Variants in DNAH11 observed in about 807,000 individuals in gnomAD.
The protein encoded by DNAH11 is dynein axonemal heavy chain 11.
In DNAH11, 442 loss-of-function variants were observed where a neutral mutation model predicts 526.0. The ratio of observed to expected loss-of-function variants is 0.84; its 90% CI spans 0.78 to 0.91. The LOEUF is 0.91. Among genes scored for constraint, DNAH11 ranks in the 40% least tolerant of loss-of-function variants. DNAH11 has a pLI of 0.00. For synonymous variants in DNAH11, 2,461 were observed against 1,935.9 expected (o/e 1.27, Z -7.12); for missense variants, 6,989 against 5,448.7 (o/e 1.28, Z -8.90).
chr7:21,812,933 GT>G (rs1447818000), intron 63 of DNAH11, among the ~76,000 whole-genome samples: 2 of 152,122 alleles, frequency 1.3e-5, no homozygotes, highest in African/African-American at 4.8e-5. Context: ...GGAGAGCCTG[GT>G]TTTGCTTAAG....
intron 32 of DNAH11, among the ~76,000 whole-genome samples, chr7:21,686,765 C>G (rs1439493803): frequency 1.3e-5 from 2 of 152,066 alleles, no homozygotes; most frequent in Non-Finnish European, 2.9e-5. Flanking sequence ...TGGATGTTGT[C>G]TGCCATATTA....
intron 57 of DNAH11, among the ~76,000 whole-genome samples, chr7:21,779,877 C>T (rs1039814356): frequency 6.6e-6 from 1 of 151,948 alleles, no homozygotes; most frequent in African/African-American, 2.4e-5. Flanking sequence ...ATAATCAGGG[C>T]CTAATTAATA....
chr7:21,821,503 G>T (rs907803098), intron 65 of DNAH11, among the ~76,000 whole-genome samples: 1 of 152,070 alleles, frequency 6.6e-6, no homozygotes, highest in Admixed American at 6.5e-5. Flanking sequence ...ACGTCCTCTT[G>T]CATACCTTAT....
chr7:21,896,784 A>G (rs193088305), intron 79 of DNAH11, among the ~76,000 whole-genome samples: 1 of 152,140 alleles, frequency 6.6e-6, no homozygotes, highest in African/African-American at 2.4e-5. Context: ...GTCATTGTCC[A>G]GGTTGGGCGC....
chr7:21,774,000 G>T lies in DNAH11; in HGVS notation c.9336+1G>T, dbSNP rs1399943373. 1.9e-6 allele frequency: 3 copies of T among 1,553,728 alleles called. No homozygotes were observed. Among genetic ancestry groups the T allele is most frequent in the Non-Finnish European group, 2.6e-6 (3 of 1,150,700 alleles). Reference sequence around the variant, plus strand: ...AAAGCTAAAAACCACAGCCTCTCAGGTATGACCAGGATGTGTTATTACTGA... The same window carrying T: ...AAAGCTAAAAACCACAGCCTCTCAGTTATGACCAGGATGTGTTATTACTGA... On this transcript the variant is annotated splice_donor_variant, in intron 56 of 81. Transcript: ENST00000409508. LOFTEE classifies it high-confidence loss of function.
chr7:21,707,121 C>G, intron 39 of DNAH11, among the ~76,000 whole-genome samples: 1 of 152,154 alleles, frequency 6.6e-6, no homozygotes, highest in Non-Finnish European at 1.5e-5. Context: ...CCCTTCTTCC[C>G]CCAAGTCAAG....
chr7:21,601,260 A>G (rs1358625595), intron 17 of DNAH11, 81 bp downstream of exon 17: 7 of 1,489,458 alleles, frequency 4.7e-6, no homozygotes, highest in African/African-American at 1.4e-5. Flanking sequence ...AAGCGTATTA[A>G]TGTTGCCAGT....
At chr7:21,732,488 A>T (rs984350166) in intron 45 of DNAH11, among the ~76,000 whole-genome samples, 6 of 152,104 alleles carry the variant, frequency 3.9e-5, no homozygotes, top group African/African-American at 1.4e-4. Flanking sequence ...AGCCTGTAAT[A>T]TTACTCCGGT....
At chr7:21,803,986 G>A (rs756069812) in intron 62 of DNAH11, among the ~76,000 whole-genome samples, 2 of 152,250 alleles carry the variant, frequency 1.3e-5, no homozygotes, top group East Asian at 1.9e-4. Context: ...CTGGGCACAC[G>A]ACCATCCTAT....
intron 7 of DNAH11, 69 bp downstream of exon 7, chr7:21,570,368 A>G (rs374795653): frequency 4.7e-6 from 6 of 1,277,232 alleles, no homozygotes; most frequent in Non-Finnish European, 6.5e-6. Context: ...TTTTCACATG[A>G]TTCATGGAAC....
chr7:21,745,668 A>G (rs1786114555), intron 51 of DNAH11, among the ~76,000 whole-genome samples: 2 of 152,220 alleles, frequency 1.3e-5, no homozygotes. Flanking sequence ...CTTACATGTT[A>G]GCGACGAAAA....
chr7:21,617,897 T>G (rs1380732207), intron 23 of DNAH11, 120 bp downstream of exon 23: 4 of 1,112,066 alleles, frequency 3.6e-6, no homozygotes, highest in Non-Finnish European at 3.7e-6. Flanking sequence ...TAGCCTCTAC[T>G]TGCTGTGTTA....
chr7:21,880,745 T>A lies in DNAH11; in HGVS notation c.12239T>A (p.Ile4080Asn). 6.2e-7 allele frequency: 1 copy of A among 1,613,982 alleles called. No homozygotes were observed. Among genetic ancestry groups the A allele is most frequent in the Non-Finnish European group, 8.5e-7 (1 of 1,179,894 alleles). ...ICSKEQEFKS[I>N]LFSLCYFHAC... ...TCCAAGGAGCAGGAGTTTAAAAGCA[T>A]CCTTTTTTCTCTCTGCTACTTCCAC... The change falls in exon 75 of 82, where the codon ATC becomes AAC. Residue 4080 changes from isoleucine to asparagine, a missense_variant. Physicochemically the swap from Ile to Asn is moderately radical, Grantham distance 149. Coordinates refer to ENST00000409508, the MANE Select transcript of DNAH11 (RefSeq NM_001277115.2).
rs202022838 is a variant in DNAH11, at chr7:21,901,304, C to CT, written c.*51dup. On this transcript the variant is annotated 3_prime_UTR_variant, in exon 82 of 82. Transcript: ENST00000409508. ...TCTGCTGGAGTGCAGTGAGGATTTT[C>CT]TAGCATGTTGCTGCACTGTTCCCAT... The CT allele has an allele frequency of 5.0e-5, 77 of 1,549,270 alleles. No individual in the cohort carries two copies. Among genetic ancestry groups the CT allele is most frequent in the South Asian group, 3.5e-4 (28 of 78,954 alleles).
chr7:21,662,878 C>A (rs1278005533), intron 30 of DNAH11, among the ~76,000 whole-genome samples: 1 of 152,018 alleles, frequency 6.6e-6, no homozygotes, highest in Non-Finnish European at 1.5e-5. Context: ...AATCTTGCTA[C>A]CTGCGTTGAA....
chr7:21,814,515 C>T (rs1446831223), intron 63 of DNAH11, among the ~76,000 whole-genome samples: 1 of 114,352 alleles, frequency 8.7e-6, no homozygotes, highest in Non-Finnish European at 1.7e-5. Flanking sequence ...TCCCTCCCCC[C>T]TCCCCCCACC....
At position 21,619,169 on chromosome 7, in the gene DNAH11, G is replaced by T. The variant is rs1163732842; in HGVS notation, c.4324G>T (p.Asp1442Tyr). ...LLALRLHRVEDDVRRIVDKAV... is the reference protein window; with the variant it reads ...LLALRLHRVEYDVRRIVDKAV... ...AGCACTGCGGTTACACAGAGTGGAA[G>T]ATGATGTCCGAAGGATTGTGGACAA... is the stretch of plus-strand genomic sequence containing the variant. Residue 1442 changes from aspartate (D) to tyrosine (Y), a missense_variant, in exon 24 of 82, where the codon GAT becomes TAT. Transcript: ENST00000409508. The T allele has an allele frequency of 6.2e-6, 10 of 1,613,440 alleles. No homozygotes were observed. The highest frequency in any genetic ancestry group is 7.6e-6 in the Non-Finnish European group (9 of 1,179,678).
chr7:21,892,985 T>G (rs1784380641), intron 77 of DNAH11, among the ~76,000 whole-genome samples: 1 of 152,236 alleles, frequency 6.6e-6, no homozygotes, highest in South Asian at 2.1e-4. Context: ...TGCATTAGAT[T>G]TGTGAGATTC....
At chr7:21,851,359 G>A (rs1467594181) in intron 66 of DNAH11, 11 of 304,740 alleles carry the variant, frequency 3.6e-5, no homozygotes, top group Non-Finnish European at 6.5e-5. Flanking sequence ...ACGGAACTAT[G>A]AGTCAATTAA....
Sources: allele counts gnomAD v4.1 joint callset (sites outside exome capture counted in the v4.1 genomes callset), GRCh38; gene constraint gnomAD v4.1.1; transcripts MANE v1.5; gene names NCBI Gene and HGNC (gene_info 2026-07-23, HGNC 2026-07-21).